Variants in NWD2 observed in about 807,000 individuals in gnomAD.
The protein encoded by NWD2 is NACHT and WD repeat domain containing 2, also known as NACHT and WD repeat domain-containing protein 2.
Under a neutral mutation model 132.7 loss-of-function variants are expected in NWD2, and 37 were observed. The ratio of observed to expected loss-of-function variants is 0.28; its 90% CI spans 0.21 to 0.37. NWD2 has a LOEUF of 0.37. Among genes scored for constraint, NWD2 ranks in the 10% least tolerant of loss-of-function variants. NWD2 has a pLI of 1.00. For synonymous variants in NWD2, 705 were observed against 803.0 expected, an observed-to-expected ratio of 0.88 and a Z score of 2.06; for missense variants, 1,592 against 2,122.4, an observed-to-expected ratio of 0.75 and a Z score of 4.91.
chr4:37,390,389 G>A (rs1720659505), intron 3 of NWD2, among the ~76,000 whole-genome samples: 1 of 148,590 alleles, frequency 6.7e-6, no homozygotes, highest in Non-Finnish European at 1.5e-5. Flanking sequence ...ATTCACGTGT[G>A]TGCTTGGGCA....
Position 37,446,564 on chromosome 4 carries a change from A to G in NWD2, c.4576A>G (p.Asn1526Asp), listed in dbSNP as rs976941259. 105 of 1,551,632 alleles carry G rather than the reference A, an allele frequency of 6.8e-5. No individual in the cohort carries two copies. The highest frequency in any genetic ancestry group is 8.9e-5 in the Non-Finnish European group (102 of 1,147,016). The change falls in exon 7 of 7, where the codon AAT becomes GAT. Residue 1526 changes from asparagine to aspartate, a missense_variant. By Grantham distance (23) the Asn-to-Asp change is conservative. Around this residue, in one of 7 missense-constraint regions of NWD2, gnomAD observed 257 missense variants for 335.0 expected, o/e 0.77. Transcript: ENST00000309447. The surrounding 1 kb of genome is among the most constrained non-coding windows in gnomAD (Gnocchi z 6.7). ...GCAACTTCCAAACAACTTCTTGAAA[A>G]ATCTGGAGGACTTTGAAATTTCTCC... ...RVQLPNNFLK[N>D]LEDFEISPNG...
At chr4:37,252,017 G>T (rs1322791113) in intron 1 of NWD2, among the ~76,000 whole-genome samples, 1 of 152,160 alleles carries the variant, frequency 6.6e-6, no homozygotes. Context: ...CATTAAAGGA[G>T]CACCAAGGAG....
At chr4:37,256,404 G>T (rs560281530) in intron 1 of NWD2, among the ~76,000 whole-genome samples, 7 of 152,320 alleles carry the variant, frequency 4.6e-5, no homozygotes, top group African/African-American at 1.7e-4. Flanking sequence ...AAAGGGAGAA[G>T]AATGTGTTGA....
Position 37,326,290 on chromosome 4 carries a change from G to A in NWD2, c.240+266G>A, listed in dbSNP as rs532387825. The stretch of plus-strand genomic sequence containing the variant: ...AACCATATTTATTTGCTTTTTTGAC[G>A]GTCTCCACTATTATCAAAGAGATGA... On this transcript the variant is annotated intron_variant, in intron 2 of 6. Coordinates refer to ENST00000309447, the MANE Select transcript of NWD2 (RefSeq NM_001144990.2). Among the ~76,000 whole-genome samples the A allele has an allele frequency of 8.8e-4, 134 of 151,916 alleles. 1 individual carries two copies. Among genetic ancestry groups the A allele is most frequent in the Admixed American group, 3.9e-4 (6 of 15,214 alleles).
chr4:37,445,566 T>G lies in NWD2; in HGVS notation c.3578T>G (p.Val1193Gly), dbSNP rs1024133184. 31 of 1,552,196 alleles carry G rather than the reference T, an allele frequency of 2.0e-5. No individual in the cohort carries two copies. Among genetic ancestry groups the G allele is most frequent in the Non-Finnish European group, 2.6e-5 (30 of 1,147,116 alleles). Reference protein sequence around the residue: ...FDCRREDSEVVSIELSEDQSA... With the variant: ...FDCRREDSEVGSIELSEDQSA... ...TGCCGAAGAGAAGACAGTGAGGTGG[T>G]CAGCATTGAGCTTTCAGAAGACCAA... The change falls in exon 7 of 7, where the codon GTC (valine) becomes GGC (glycine). Residue 1193 changes from valine to glycine, a missense_variant. Physicochemically the swap from Val to Gly is moderately radical, Grantham distance 109. This residue lies in a region of NWD2 where 1,071 missense variants were observed against 1,398.0 expected (regional missense o/e 0.77). Coordinates refer to ENST00000309447, the MANE Select transcript of NWD2 (RefSeq NM_001144990.2). This position sits in a 1 kb window ranked among gnomAD's most constrained non-coding sequence, Gnocchi z 4.7.
At chr4:37,390,086 A>G (rs1373868047) in intron 3 of NWD2, among the ~76,000 whole-genome samples, 1 of 152,230 alleles carries the variant, frequency 6.6e-6, no homozygotes, top group Non-Finnish European at 1.5e-5. Context: ...CACCACACCC[A>G]GCCAAATCAT....
At chr4:37,252,342 C>T (rs917157715) in intron 1 of NWD2, among the ~76,000 whole-genome samples, 1 of 152,176 alleles carries the variant, frequency 6.6e-6, no homozygotes, top group Non-Finnish European at 1.5e-5. Context: ...ATATACATGA[C>T]TTTGCAGTTT....
rs1468868930 is a variant in NWD2 at position 37,446,575 on chromosome 4, C to T, written c.4587C>T (p.Asp1529=). The change falls in exon 7 of 7, where the codon GAC becomes GAT. Residue 1529 remains aspartate, a synonymous_variant. Transcript: ENST00000309447. The surrounding 1 kb of genome is among the most constrained non-coding windows in gnomAD (Gnocchi z 6.7). ...LPNNFLKNLE[D]FEISPNGKLG... is the part of the protein sequence containing the mutation. ...ACAACTTCTTGAAAAATCTGGAGGA[C>T]TTTGAAATTTCTCCCAATGGAAAGC... 11 of 1,551,614 alleles carry T rather than the reference C, an allele frequency of 7.1e-6. No homozygotes were observed. Among genetic ancestry groups the T allele is most frequent in the Non-Finnish European group, 9.6e-6 (11 of 1,147,014 alleles).
At chr4:37,353,238 C>T (rs1719805258) in intron 2 of NWD2, among the ~76,000 whole-genome samples, 2 of 152,032 alleles carry the variant, frequency 1.3e-5, no homozygotes, top group Non-Finnish European at 2.9e-5. Flanking sequence ...GTCTAATGGG[C>T]TTCCCTTTCC....
intron 3 of NWD2, among the ~76,000 whole-genome samples, chr4:37,374,850 T>C (rs1388064123): frequency 1.3e-5 from 2 of 152,182 alleles, no homozygotes; most frequent in Non-Finnish European, 1.5e-5. Context: ...AAGAAAACTT[T>C]TTAAATTATG....
intron 1 of NWD2, among the ~76,000 whole-genome samples, chr4:37,263,106 G>A (rs1717678182): frequency 6.6e-6 from 1 of 152,130 alleles, no homozygotes; most frequent in Admixed American, 6.6e-5. Context: ...CCGCTGTGAT[G>A]TCACTCCCAC....
intron 1 of NWD2, among the ~76,000 whole-genome samples, chr4:37,303,343 G>A (rs963177725): frequency 3.9e-5 from 6 of 152,070 alleles, no homozygotes; most frequent in East Asian, 1.9e-4. Flanking sequence ...ATGCTGTTTC[G>A]GTTACGACAG....
At chr4:37,361,686 G>A (rs972872218) in intron 3 of NWD2, among the ~76,000 whole-genome samples, 2 of 152,044 alleles carry the variant, frequency 1.3e-5, no homozygotes, top group African/African-American at 4.8e-5. Flanking sequence ...AATAATAAGA[G>A]CCATCTATGA....
At chr4:37,264,784 AAC>A (rs937111114) in intron 1 of NWD2, among the ~76,000 whole-genome samples, 5 of 148,508 alleles carry the variant, frequency 3.4e-5, no homozygotes, top group African/African-American at 1.3e-4. Flanking sequence ...GTTGTAAAAA[AAC>A]ATTATATAAA....
chr4:37,320,190 A>T (rs1451015394), intron 1 of NWD2, among the ~76,000 whole-genome samples: 1 of 152,110 alleles, frequency 6.6e-6, no homozygotes, highest in African/African-American at 2.4e-5. Flanking sequence ...GAGATCTTTC[A>T]TCTGATAGGA....
chr4:37,338,577 A>G (rs2109293805), intron 2 of NWD2, among the ~76,000 whole-genome samples: 1 of 152,340 alleles, frequency 6.6e-6, no homozygotes, highest in Non-Finnish European at 1.5e-5. Context: ...ATCGCCAACT[A>G]GTTTTAGGCA....
intron 2 of NWD2, among the ~76,000 whole-genome samples, chr4:37,351,649 T>G (rs145909268): frequency 0.026 from 4,010 of 152,280 alleles, 179 homozygotes; most frequent in African/African-American, 0.091. Flanking sequence ...ATTGATTTTT[T>G]TAAGAGTTTT....
chr4:37,305,270 C>A (rs1386746788), intron 1 of NWD2, among the ~76,000 whole-genome samples: 3 of 152,174 alleles, frequency 2.0e-5, no homozygotes, highest in Non-Finnish European at 2.9e-5. Context: ...GGTCTCCAGG[C>A]CTGTGATGGG....
intron 1 of NWD2, among the ~76,000 whole-genome samples, chr4:37,284,505 G>A (rs1052996545): frequency 6.6e-6 from 1 of 152,172 alleles, no homozygotes; most frequent in Non-Finnish European, 1.5e-5. Flanking sequence ...CTCATTCCTT[G>A]GCTCCTCCAG....
Sources: gnomAD v4.1 joint callset for allele counts (sites outside exome capture counted in the v4.1 genomes callset) on GRCh38, gnomAD v4.1.1 for gene constraint, gnomAD v4.1.1 regional missense constraint, Gnocchi (gnomAD v3.1) non-coding constraint, MANE v1.5 for transcripts, NCBI Gene and HGNC (gene_info 2026-07-23, HGNC 2026-07-21) for gene names.